PTPRM: variants seen among roughly 807,000 people sequenced by gnomAD.
PTPRM encodes the protein receptor-type tyrosine-protein phosphatase mu.
A neutral mutation model predicts 186.7 loss-of-function variants in PTPRM; 47 were observed. That is an observed-to-expected ratio of 0.25 (90% CI 0.20 to 0.32). The LOEUF (loss-of-function observed/expected upper bound fraction) is 0.32, where lower values mean the gene tolerates loss of function less well. PTPRM is among the 10% of genes least tolerant of loss of function. The pLI, the probability that PTPRM is intolerant of heterozygous loss-of-function variation, is 1.00. For synonymous variants in PTPRM, 668 were observed against 674.9 expected, an observed-to-expected ratio of 0.99 and a Z score of 0.16; for missense variants, 1,494 against 1,865.0, an observed-to-expected ratio of 0.80 and a Z score of 3.66.
chr18:7,927,630 C>T (rs2051252957), intron 5 of PTPRM, among the ~76,000 whole-genome samples: 1 of 152,168 alleles, frequency 6.6e-6, no homozygotes, highest in African/African-American at 2.4e-5. Flanking sequence ...GCCATCTCTC[C>T]ACCTCCTGTC....
chr18:8,135,299 T>C (rs2092612413), intron 13 of PTPRM, among the ~76,000 whole-genome samples: 1 of 152,182 alleles, frequency 6.6e-6, no homozygotes, highest in Non-Finnish European at 1.5e-5. Context: ...AAGTAAGATA[T>C]TATTATATTA....
At chr18:7,996,706 T>A (rs563891213) in intron 7 of PTPRM, among the ~76,000 whole-genome samples, 1 of 151,240 alleles carries the variant, frequency 6.6e-6, no homozygotes, top group Non-Finnish European at 1.5e-5. Flanking sequence ...GGGTACAATA[T>A]CAACATAACA....
At chr18:8,200,741 G>T (rs2093844318) in intron 14 of PTPRM, among the ~76,000 whole-genome samples, 1 of 152,128 alleles carries the variant, frequency 6.6e-6, no homozygotes, top group African/African-American at 2.4e-5. Context: ...ACAAAAAATT[G>T]CCATATACCT....
chr18:8,345,837 G>A (rs2095501899), intron 23 of PTPRM, among the ~76,000 whole-genome samples: 1 of 152,026 alleles, frequency 6.6e-6, no homozygotes, highest in Non-Finnish European at 1.5e-5. Context: ...AGGAAGAGAT[G>A]AATAGACCAG....
intron 22 of PTPRM, among the ~76,000 whole-genome samples, chr18:8,330,917 G>T (rs907129345): frequency 2.6e-5 from 4 of 152,108 alleles, no homozygotes; most frequent in African/African-American, 9.7e-5. Context: ...GGGACTGAAG[G>T]TCCCTCTGGA....
chr18:8,084,134 G>A (rs1313612435), intron 9 of PTPRM, among the ~76,000 whole-genome samples: 1 of 152,112 alleles, frequency 6.6e-6, no homozygotes, highest in Admixed American at 6.5e-5. Context: ...GGGAAGGTAC[G>A]ATTCCTAAAG....
intron 20 of PTPRM, among the ~76,000 whole-genome samples, chr18:8,307,917 G>C (rs1369994475): frequency 6.6e-6 from 1 of 152,182 alleles, no homozygotes; most frequent in Non-Finnish European, 1.5e-5. Flanking sequence ...CCTAGCAAAA[G>C]AATTCACAGG....
chr18:7,820,676 A>G (rs2045138385), intron 2 of PTPRM, among the ~76,000 whole-genome samples: 1 of 152,082 alleles, frequency 6.6e-6, no homozygotes, highest in African/African-American at 2.4e-5. Flanking sequence ...GGAAGGTTCC[A>G]GGCCTCTTAT....
chr18:7,782,374 T>A (rs1041087817), intron 2 of PTPRM, among the ~76,000 whole-genome samples: 8 of 152,076 alleles, frequency 5.3e-5, no homozygotes, highest in Non-Finnish European at 1.2e-4. Flanking sequence ...AAGGATGGAT[T>A]TTAGTTCTTG....
At chr18:8,318,704 CA>C (rs1432500930) in intron 21 of PTPRM, among the ~76,000 whole-genome samples, 1 of 152,208 alleles carries the variant, frequency 6.6e-6, no homozygotes, top group African/African-American at 2.4e-5. Flanking sequence ...GCCCTTGCTA[CA>C]GTAGCATGTC....
chr18:8,228,867 G>C (rs2094249221), intron 14 of PTPRM, among the ~76,000 whole-genome samples: 1 of 151,854 alleles, frequency 6.6e-6, no homozygotes, highest in Non-Finnish European at 1.5e-5. Context: ...AAAAGAAAAA[G>C]AAAAAGAAAA....
chr18:8,346,982 A>T (rs2095508931), intron 23 of PTPRM, among the ~76,000 whole-genome samples: 1 of 152,174 alleles, frequency 6.6e-6, no homozygotes, highest in African/African-American at 2.4e-5. Context: ...CATGTAGCCT[A>T]AACATTTCAT....
chr18:7,738,962 T>A (rs1438342994), intron 1 of PTPRM, among the ~76,000 whole-genome samples: 1 of 151,944 alleles, frequency 6.6e-6, no homozygotes, highest in African/African-American at 2.4e-5. Context: ...TGACCATGAT[T>A]TTTTTTTGGT....
chr18:8,183,424 C>T (rs187768105), intron 14 of PTPRM, among the ~76,000 whole-genome samples: 56 of 152,244 alleles, frequency 3.7e-4, no homozygotes, highest in Non-Finnish European at 6.5e-4. Flanking sequence ...ACTTGTGATG[C>T]GATGACATAA....
chr18:7,596,001 A>G (rs753462297), intron 1 of PTPRM, among the ~76,000 whole-genome samples: 39 of 152,210 alleles, frequency 2.6e-4, no homozygotes, highest in Admixed American at 9.2e-4. Flanking sequence ...TTGGAAAAAG[A>G]TCGAAAAAGT....
chr18:8,365,376 T>G lies in PTPRM; in HGVS notation c.3055-5514T>G, dbSNP rs1444530215. On this transcript the variant is annotated intron_variant, in intron 23 of 32. Transcript: ENST00000580170. ...CCTTGCTAGGTCTCTTCTGGGCAAA[T>G]CACATGCTCTTCCATCCACTAAGTG... Among the ~76,000 whole-genome samples the G allele has an allele frequency of 2.0e-5, 3 of 152,132 alleles. No homozygotes were observed. The South Asian group carries it at 6.2e-4, about 31-fold the overall frequency.
chr18:7,621,401 C>T (rs952940868), intron 1 of PTPRM, among the ~76,000 whole-genome samples: 6 of 151,810 alleles, frequency 4.0e-5, no homozygotes, highest in African/African-American at 1.2e-4. Context: ...ACATGCATAG[C>T]CCCCCATTAT....
intron 14 of PTPRM, among the ~76,000 whole-genome samples, chr18:8,164,927 G>T (rs2093296705): frequency 6.6e-6 from 1 of 152,110 alleles, no homozygotes; most frequent in South Asian, 2.1e-4. Flanking sequence ...CACTTTGGGA[G>T]GCCAAGGTGG....
At chr18:7,975,727 AG>A (rs554395121) in intron 7 of PTPRM, among the ~76,000 whole-genome samples, 90 of 152,252 alleles carry the variant, frequency 5.9e-4, no homozygotes, top group Non-Finnish European at 1.0e-3. Context: ...TATTCAGTAC[AG>A]TAACATGGTG....
Sources: allele counts gnomAD v4.1 joint callset (sites outside exome capture counted in the v4.1 genomes callset), GRCh38; gene constraint gnomAD v4.1.1; transcripts MANE v1.5; gene names NCBI Gene and HGNC (gene_info 2026-07-23, HGNC 2026-07-21).